PARN: variants seen among roughly 807,000 people sequenced by gnomAD.
PARN encodes the protein poly(A)-specific ribonuclease PARN.
PARN carries 71 observed loss-of-function variants against 102.8 expected under a neutral mutation model. The observed-to-expected ratio is 0.69, with a 90% confidence interval of 0.57 to 0.84. The LOEUF is 0.84. Ranked by LOEUF, PARN falls within the 40% of genes least tolerant of loss-of-function variation. The pLI is 0.00. For synonymous variants in PARN, 261 were observed against 252.9 expected (o/e 1.03, Z -0.30); for missense variants, 782 against 760.9 (o/e 1.03, Z -0.33).
At chr16:14,553,273 A>G (rs921475209) in intron 20 of PARN, among the ~76,000 whole-genome samples, 3 of 151,116 alleles carry the variant, frequency 2.0e-5, no homozygotes, top group Non-Finnish European at 4.4e-5. Context: ...AAAAAAAAAA[A>G]AAAAAGAAAG....
At chr16:14,520,280 C>A (rs564008187) in intron 21 of PARN, among the ~76,000 whole-genome samples, 11 of 152,186 alleles carry the variant, frequency 7.2e-5, no homozygotes, top group South Asian at 2.1e-4. Flanking sequence ...CCATGTGTGG[C>A]CCTTATATGA....
At chr16:14,558,875 G>T (rs970445139) in intron 18 of PARN, among the ~76,000 whole-genome samples, 41 of 152,012 alleles carry the variant, frequency 2.7e-4, no homozygotes, top group African/African-American at 9.9e-4. Flanking sequence ...TTCCTTTTAC[G>T]ATCATTTTTT....
intron 18 of PARN, among the ~76,000 whole-genome samples, chr16:14,575,560 TG>T (rs1388516864): frequency 2.0e-5 from 3 of 152,196 alleles, no homozygotes; most frequent in Non-Finnish European, 4.4e-5. Context: ...TTGGAATGGC[TG>T]TATTTATCCA....
At chr16:14,588,867 T>G (rs1178027760) in intron 13 of PARN, among the ~76,000 whole-genome samples, 1 of 146,862 alleles carries the variant, frequency 6.8e-6, no homozygotes, top group South Asian at 2.2e-4. Flanking sequence ...GGCGACAGAG[T>G]GAGACTCTGT....
At chr16:14,436,994 G>T (rs1468466789) in intron 23 of PARN, among the ~76,000 whole-genome samples, 2 of 152,228 alleles carry the variant, frequency 1.3e-5, no homozygotes, top group African/African-American at 2.4e-5. Flanking sequence ...TGGGGGCGCG[G>T]AGGAAGCACC....
At chr16:14,445,503 T>C (rs1220972313) in intron 23 of PARN, among the ~76,000 whole-genome samples, 1 of 152,236 alleles carries the variant, frequency 6.6e-6, no homozygotes, top group Admixed American at 6.5e-5. Context: ...AGAATGATTA[T>C]AATTGTGTCT....
intron 18 of PARN, among the ~76,000 whole-genome samples, chr16:14,571,281 G>A (rs771629225): frequency 3.3e-5 from 5 of 150,872 alleles, no homozygotes; most frequent in South Asian, 2.1e-4. Context: ...CTATCAGGAG[G>A]CGGAGGCAGA....
At chr16:14,469,006 T>G (rs1962551361) in intron 22 of PARN, among the ~76,000 whole-genome samples, 1 of 149,308 alleles carries the variant, frequency 6.7e-6, no homozygotes, top group African/African-American at 2.5e-5. Flanking sequence ...AAAAACGACC[T>G]AAAAAAACGG....
intron 5 of PARN, among the ~76,000 whole-genome samples, chr16:14,621,253 T>C (rs1465749151): frequency 6.6e-6 from 1 of 152,214 alleles, no homozygotes; most frequent in Non-Finnish European, 1.5e-5. Flanking sequence ...ATTCCATCTC[T>C]GACAAAGGCA....
chr16:14,534,543 T>A (rs571542771), intron 21 of PARN, among the ~76,000 whole-genome samples: 1 of 151,998 alleles, frequency 6.6e-6, no homozygotes, highest in African/African-American at 2.4e-5. Context: ...TGAGTTCATT[T>A]CCCCCCCTAC....
At chr16:14,593,491 TTAAAA>T (rs1567426204) in intron 12 of PARN, 113 bp from the exon 13 acceptor site, 13 of 27,634 alleles carry the variant, frequency 4.7e-4, no homozygotes, top group Non-Finnish European at 6.7e-4. Context: ...CTTTCCAGAC[TTAAAA>T]AAAAAAAAAA....
chr16:14,441,179 G>A (rs1216181241), intron 23 of PARN, among the ~76,000 whole-genome samples: 2 of 152,138 alleles, frequency 1.3e-5, no homozygotes, highest in East Asian at 1.9e-4. Context: ...GAGGTTGGCC[G>A]CAGAGCAACA....
intron 22 of PARN, among the ~76,000 whole-genome samples, chr16:14,470,327 C>T (rs1419630938): frequency 6.6e-6 from 1 of 151,828 alleles, no homozygotes. Context: ...CACTGAGAAA[C>T]CTTTCTATGT....
chr16:14,482,221 A>T (rs977125633), intron 22 of PARN, among the ~76,000 whole-genome samples: 1 of 152,058 alleles, frequency 6.6e-6, no homozygotes, highest in Non-Finnish European at 1.5e-5. Context: ...ATAGAGCGAG[A>T]CCTCATCTCT....
At chr16:14,454,102 T>A (rs540251602) in intron 22 of PARN, among the ~76,000 whole-genome samples, 154 of 152,312 alleles carry the variant, frequency 1.0e-3, no homozygotes, top group African/African-American at 3.4e-3. Context: ...GTTTTCTGAA[T>A]TGCCGAGTAT....
chr16:14,506,321 C>T (rs1468589593), intron 21 of PARN, among the ~76,000 whole-genome samples: 2 of 152,182 alleles, frequency 1.3e-5, no homozygotes, highest in African/African-American at 4.8e-5. Flanking sequence ...AAGACTTTGA[C>T]TGGAGCTTGG....
chr16:14,521,989 G>C (rs929190703), intron 21 of PARN, among the ~76,000 whole-genome samples: 42 of 152,300 alleles, frequency 2.8e-4, no homozygotes, highest in South Asian at 6.2e-4. Flanking sequence ...GTGCAGCCTA[G>C]AAGCAACAGG....
chr16:14,560,710 CA>C (rs1968001994), intron 18 of PARN, among the ~76,000 whole-genome samples: 1 of 152,184 alleles, frequency 6.6e-6, no homozygotes, highest in South Asian at 2.1e-4. Flanking sequence ...ATCTTTTGCT[CA>C]ATACACTGGG....
intron 18 of PARN, among the ~76,000 whole-genome samples, chr16:14,573,236 A>G (rs1968915443): frequency 6.6e-6 from 1 of 152,180 alleles, no homozygotes; most frequent in South Asian, 2.1e-4. Flanking sequence ...TATGTACAAC[A>G]TGTTTTGAAA....
Sources: allele counts gnomAD v4.1 joint callset (sites outside exome capture counted in the v4.1 genomes callset), GRCh38; gene constraint gnomAD v4.1.1; transcripts MANE v1.5; gene names NCBI Gene and HGNC (gene_info 2026-07-23, HGNC 2026-07-21).